FAM76B: variants seen among roughly 807,000 people sequenced by gnomAD.
FAM76B encodes protein FAM76B.
In FAM76B, 16 loss-of-function variants were observed where a neutral mutation model predicts 51.8. The ratio of observed to expected loss-of-function variants is 0.31; its 90% confidence interval spans 0.21 to 0.47. The LOEUF (loss-of-function observed/expected upper bound fraction) is 0.47, where lower values mean the gene tolerates loss of function less well. Ranked by LOEUF, FAM76B falls within the 20% of genes least tolerant of loss-of-function variation. FAM76B has a pLI of 1.00. For missense variants in FAM76B, 342 were observed against 392.6 expected (o/e 0.87, Z 1.09); for synonymous variants, 166 against 129.5 (o/e 1.28, Z -1.91).
chr11:95,779,023 C>G, intron 7 of FAM76B, 66 bp from the exon 8 acceptor site: 1 of 1,596,450 alleles, frequency 6.3e-7, no homozygotes, highest in Non-Finnish European at 8.5e-7. Flanking sequence ...GTTCAAATTG[C>G]ATAAATTAGA....
Position 95,789,508 on chromosome 11 carries a change from G to T in FAM76B, c.-30C>A. 6.4e-7 allele frequency: 1 copy of T among 1,568,732 alleles called. No individual in the cohort carries two copies. The highest frequency in any genetic ancestry group is 8.6e-7 in the Non-Finnish European group (1 of 1,157,028). On this transcript the variant is annotated 5_prime_UTR_variant, in exon 1 of 10. Coordinates refer to ENST00000358780, the MANE Select transcript of FAM76B (RefSeq NM_144664.5). ...CTCCTCAGTCTCCTCCTCCGCCGCCGCCCGCTCCGAGGCGGGGCCCTACGG... is the reference window on the plus strand; with the variant it reads ...CTCCTCAGTCTCCTCCTCCGCCGCCTCCCGCTCCGAGGCGGGGCCCTACGG...
chr11:95,773,917 G>C (rs889167075), intron 9 of FAM76B, among the ~76,000 whole-genome samples: 3 of 151,084 alleles, frequency 2.0e-5, no homozygotes, highest in Non-Finnish European at 4.5e-5. Context: ...CTAGCTATTA[G>C]AGCAAGATCC....
intron 4 of FAM76B, among the ~76,000 whole-genome samples, chr11:95,785,162 T>C (rs947216058): frequency 3.9e-5 from 6 of 152,208 alleles, no homozygotes; most frequent in African/African-American, 1.2e-4. Flanking sequence ...AATTGTTCTA[T>C]TTTGTTATTA....
chr11:95,789,568 C>G lies in FAM76B; in HGVS notation c.-90G>C. 8.7e-7 allele frequency: 1 copy of G among 1,146,460 alleles called. No individual in the cohort carries two copies. The highest frequency in any genetic ancestry group is 1.2e-6 in the Non-Finnish European group (1 of 813,846). The allele number at this position is 1,146,460 out of a possible 1,614,324, so 71.0% of individuals were successfully genotyped here. A position where few individuals can be genotyped will look rare whatever the true frequency, so the allele number is the denominator to read the frequency against. On this transcript the variant is annotated 5_prime_UTR_variant, in exon 1 of 10. Coordinates refer to ENST00000358780, the MANE Select transcript of FAM76B (RefSeq NM_144664.5). ...GAGCCGCCGCCGCCCGGGCCGCGGG[C>G]TCCTCCTCCTCCCCCTCCCCCTGCC...
Position 95,778,973 on chromosome 11 carries a change from T to C in FAM76B, c.693-16A>G. 1.9e-6 allele frequency: 3 copies of C among 1,604,858 alleles called. No homozygotes were observed. Among genetic ancestry groups the C allele is most frequent in the Non-Finnish European group, 2.6e-6 (3 of 1,176,124 alleles). ...TATAGAGCTACTAAAAAGAAAAAAG[T>C]AAAACACAGTTAAATGAAGTAGAAG... On this transcript the variant is annotated splice_polypyrimidine_tract_variant and intron_variant, in intron 7 of 9. Transcript: ENST00000358780.
At chr11:95,771,762 G>A (rs117505137) in intron 9 of FAM76B, 112 bp from the exon 10 acceptor site, 4 of 777,480 alleles carry the variant, frequency 5.1e-6, no homozygotes, top group Admixed American at 2.8e-5. Context: ...TTTCACTAAA[G>A]CACTAACATT....
At chr11:95,788,371 A>G in intron 2 of FAM76B, 128 bp downstream of exon 2, 1 of 753,598 alleles carries the variant, frequency 1.3e-6, no homozygotes, top group Non-Finnish European at 2.2e-6. Context: ...AAAGGTTTAC[A>G]ACTTAAAATT....
chr11:95,779,964 A>G, intron 5 of FAM76B, 38 bp from the exon 6 acceptor site: 1 of 1,525,092 alleles, frequency 6.6e-7, no homozygotes, highest in East Asian at 2.3e-5. Context: ...AATGACATTT[A>G]TTTATTTAAT....
Position 95,771,426 on chromosome 11 carries a change from C to A in FAM76B, c.*135G>T. ...CTTAAAAAATGCTGTATATCAATTA[C>A]AAAAGTGAACAGGAAACACACCAAT... On this transcript the variant is annotated 3_prime_UTR_variant, in exon 10 of 10. Transcript: ENST00000358780. 1.7e-6 allele frequency: 1 copy of A among 582,016 alleles called. No individual in the cohort carries two copies. The highest frequency in any genetic ancestry group is 3.0e-6 in the Non-Finnish European group (1 of 332,782). The allele number at this position is 582,016 out of a possible 1,614,324, so 36.1% of individuals were successfully genotyped here. A position where few individuals can be genotyped will look rare whatever the true frequency, so the allele number is the denominator to read the frequency against.
Position 95,789,564 on chromosome 11 carries a change from C to G in FAM76B, c.-86G>C. On this transcript the variant is annotated 5_prime_UTR_variant, in exon 1 of 10. Coordinates refer to ENST00000358780, the MANE Select transcript of FAM76B (RefSeq NM_144664.5). ...CCGAGAGCCGCCGCCGCCCGGGCCGCGGGCTCCTCCTCCTCCCCCTCCCCC... is the reference window on the plus strand; with the variant it reads ...CCGAGAGCCGCCGCCGCCCGGGCCGGGGGCTCCTCCTCCTCCCCCTCCCCC... 1 of 1,253,018 alleles carries G rather than the reference C, an allele frequency of 8.0e-7. No homozygotes were observed. Among genetic ancestry groups the G allele is most frequent in the South Asian group, 1.4e-5 (1 of 72,942 alleles). The allele number at this position is 1,253,018 out of a possible 1,614,324, so 77.6% of individuals were successfully genotyped here. A position where few individuals can be genotyped will look rare whatever the true frequency, so the allele number is the denominator to read the frequency against.
intron 3 of FAM76B, among the ~76,000 whole-genome samples, chr11:95,787,414 G>C (rs1195161002): frequency 6.6e-6 from 1 of 151,514 alleles, no homozygotes; most frequent in Non-Finnish European, 1.5e-5. Context: ...TTTTTTTGTT[G>C]TATTTTTAGT....
intron 5 of FAM76B, among the ~76,000 whole-genome samples, chr11:95,782,104 TTG>T (rs1479380133): frequency 1.3e-5 from 2 of 152,178 alleles, no homozygotes; most frequent in African/African-American, 2.4e-5. Flanking sequence ...CCATTTTAAT[TTG>T]TGTTTGTCAG....
intron 7 of FAM76B, 59 bp downstream of exon 7, chr11:95,779,548 T>C: frequency 7.1e-7 from 1 of 1,411,634 alleles, no homozygotes; most frequent in Non-Finnish European, 9.7e-7. Context: ...TAACTGGCAT[T>C]CAACCATAAC....
chr11:95,789,465 G>A lies in FAM76B; in HGVS notation c.14C>T (p.Ala5Val). 6.2e-7 allele frequency: 1 copy of A among 1,606,704 alleles called. No individual in the cohort carries two copies. Among genetic ancestry groups the A allele is most frequent in the South Asian group, 1.1e-5 (1 of 89,818 alleles). Residue 5 changes from alanine to valine, a missense_variant, in exon 1 of 10, where the codon GCC becomes GTC. Transcript: ENST00000358780. ...GGTACACTTGGTGCAGGCGTACAGG[G>A]CCGAGGCCGCCATCCTGCTCCTCAG... MAAS[A>V]LYACTKCTQR... is the part of the protein sequence containing the mutation.
intron 1 of FAM76B, 52 bp from the exon 2 acceptor site, chr11:95,788,615 A>C (rs1199859944): frequency 3.2e-5 from 50 of 1,539,516 alleles, no homozygotes; most frequent in Non-Finnish European, 4.1e-5. Context: ...CCCAAATCTC[A>C]CTTTTCTGGT....
In FAM76B at chr11:95,786,239, T is replaced by C; in HGVS notation, c.243A>G (p.Ala81=). Residue 81 remains alanine, a synonymous_variant, in exon 4 of 10, where the codon GCA becomes GCG. Coordinates refer to ENST00000358780, the MANE Select transcript of FAM76B (RefSeq NM_144664.5). The part of the protein sequence containing the change: ...KPCQYCNIIA[A]FIGTKCQRCT... The stretch of plus-strand genomic sequence containing the variant: ...AACGCTGACACTTGGTACCAATAAA[T>C]GCTGCAATTATGTTACAGTACTGAC... 2 of 1,614,140 alleles carry C rather than the reference T, an allele frequency of 1.2e-6. No homozygotes were observed. Among genetic ancestry groups the C allele is most frequent in the Non-Finnish European group, 1.7e-6 (2 of 1,180,008 alleles).
chr11:95,777,523 A>C (rs1053988230), intron 8 of FAM76B, among the ~76,000 whole-genome samples: 1 of 151,396 alleles, frequency 6.6e-6, no homozygotes, highest in East Asian at 1.9e-4. Context: ...TAATGCAGAT[A>C]TATCTGGCCT....
rs201868302 is a variant in FAM76B at position 95,770,993 on chromosome 11, CTAA to C, written c.*565_*567del. 0.036 allele frequency: 5,480 copies of C among 151,706 alleles called. 149 individuals are homozygous for C. Among genetic ancestry groups the C allele is most frequent in the South Asian group, 0.091 (439 of 4,822 alleles). 9.4% of individuals were successfully genotyped at this position (151,706 alleles called of 1,614,324 possible). A position where few individuals can be genotyped will look rare whatever the true frequency, so the allele number is the denominator to read the frequency against. On this transcript the variant is annotated 3_prime_UTR_variant, in exon 10 of 10. Coordinates refer to ENST00000358780, the MANE Select transcript of FAM76B (RefSeq NM_144664.5). ...TACCAATAATGAAAATGCTAGGTTA[CTAA>C]TGTTAATGATGTAACTTTAAAAAAC...
intron 9 of FAM76B, 108 bp from the exon 10 acceptor site, chr11:95,771,758 T>G: frequency 1.2e-6 from 1 of 810,466 alleles, no homozygotes; most frequent in Non-Finnish European, 1.9e-6. Flanking sequence ...AATGTTTCAC[T>G]AAAGCACTAA....
Sources: gnomAD v4.1 joint callset for allele counts (sites outside exome capture counted in the v4.1 genomes callset) on GRCh38, gnomAD v4.1.1 for gene constraint, MANE v1.5 for transcripts, NCBI Gene and HGNC (gene_info 2026-07-23, HGNC 2026-07-21) for gene names.